Variants in MET observed in about 807,000 individuals in gnomAD.
MET encodes MET proto-oncogene, receptor tyrosine kinase, also known as hepatocyte growth factor receptor.
Under a neutral mutation model 133.1 loss-of-function variants are expected in MET, and 48 were observed. That is an observed-to-expected ratio of 0.36 (90% CI 0.29 to 0.46). MET has a LOEUF of 0.46. MET is among the 20% of genes least tolerant of loss of function. MET has a pLI of 1.00. For missense variants in MET, 1,442 were observed against 1,695.9 expected (o/e 0.85, Z 2.63); for synonymous variants, 628 against 616.5 (o/e 1.02, Z -0.28).
intron 10 of MET, 87 bp from the exon 11 acceptor site, chr7:116,762,963 A>G: frequency 9.1e-7 from 1 of 1,100,814 alleles, no homozygotes; most frequent in Admixed American, 1.7e-5. Flanking sequence ...ATATATTTTC[A>G]ATTGATTGGG....
intron 1 of MET, among the ~76,000 whole-genome samples, chr7:116,694,320 G>A (rs992600347): frequency 2.0e-5 from 3 of 152,046 alleles, no homozygotes; most frequent in Admixed American, 6.6e-5. Context: ...TAAAATTTCT[G>A]TTGCTGACAA....
chr7:116,744,881 C>T (rs1338363631), intron 5 of MET, among the ~76,000 whole-genome samples: 1 of 152,120 alleles, frequency 6.6e-6, no homozygotes, highest in Non-Finnish European at 1.5e-5. Flanking sequence ...GACAGGGATG[C>T]CCTCTCTCAC....
chr7:116,774,046 C>T (rs1794913547), intron 14 of MET, among the ~76,000 whole-genome samples: 1 of 152,122 alleles, frequency 6.6e-6, no homozygotes, highest in South Asian at 2.1e-4. Flanking sequence ...ATGATGCCCC[C>T]TCCTTGATAT....
chr7:116,677,970 T>G (rs1317792157), intron 1 of MET, among the ~76,000 whole-genome samples: 1 of 89,758 alleles, frequency 1.1e-5, no homozygotes, highest in African/African-American at 8.2e-5. Flanking sequence ...ATATTGTCTT[T>G]CTCTCTCTCT....
chr7:116,747,517 A>G (rs1793738933), intron 5 of MET, among the ~76,000 whole-genome samples: 1 of 152,214 alleles, frequency 6.6e-6, no homozygotes, highest in Non-Finnish European at 1.5e-5. Context: ...CAAAGATCAA[A>G]AAAGACAAAG....
intron 2 of MET, among the ~76,000 whole-genome samples, chr7:116,709,406 A>C (rs1180352228): frequency 6.6e-6 from 1 of 152,210 alleles, no homozygotes; most frequent in Non-Finnish European, 1.5e-5. Flanking sequence ...TCACACGATA[A>C]ACAGAGACCA....
At chr7:116,692,172 C>T (rs1428537533) in intron 1 of MET, among the ~76,000 whole-genome samples, 1 of 152,102 alleles carries the variant, frequency 6.6e-6, no homozygotes, top group East Asian at 1.9e-4. Context: ...ATATTTTCTC[C>T]TCTTTGAACC....
At chr7:116,703,976 T>G (rs987027105) in intron 2 of MET, among the ~76,000 whole-genome samples, 1 of 152,136 alleles carries the variant, frequency 6.6e-6, no homozygotes. Flanking sequence ...TAGATAAGCA[T>G]TTGAAAGACC....
rs537803270 is a variant in MET at position 116,741,522 on chromosome 7, G to A, written c.1701+497G>A. Among the ~76,000 whole-genome samples the A allele has an allele frequency of 3.9e-5, 6 of 152,296 alleles. No homozygotes were observed. The South Asian group carries it at 1.0e-3, about 26-fold the overall frequency. On this transcript the variant is annotated intron_variant, in intron 5 of 20. Transcript: ENST00000397752. ...CCTGAGCTGAATCCTGCAAACTGGT[G>A]ATCCCTGCCATGCTGGGGCACACAG...
At position 116,759,366 on chromosome 7, in the gene MET, T is replaced by G. The variant is rs1794308172; in HGVS notation, c.2265-25T>G. 1.2e-6 allele frequency: 2 copies of G among 1,608,998 alleles called. No homozygotes were observed. Among genetic ancestry groups the G allele is most frequent in the African/African-American group, 1.3e-5 (1 of 74,996 alleles). On this transcript the variant is annotated intron_variant, in intron 9 of 20. Coordinates refer to ENST00000397752, the MANE Select transcript of MET (RefSeq NM_000245.4). Reference sequence around the variant, plus strand: ...TGGTGGAAAGAACCTCTCAACATTGTCAGTTTTCTATTTTGCTTTGCCAGT... The same window carrying G: ...TGGTGGAAAGAACCTCTCAACATTGGCAGTTTTCTATTTTGCTTTGCCAGT...
intron 11 of MET, among the ~76,000 whole-genome samples, chr7:116,765,286 C>CAAAAAAA (rs754418396): frequency 3.1e-5 from 1 of 31,886 alleles, no homozygotes; most frequent in Non-Finnish European, 6.5e-5. Context: ...GGAGACAGAG[C>CAAAAAAA]AAAAAAAAAA....
Position 116,783,353 on chromosome 7 carries a change from G to T in MET, c.3682G>T (p.Asp1228Tyr), listed in dbSNP as rs121913671. Residue 1228 changes from aspartate to tyrosine, a missense_variant, in exon 19 of 21, where the codon GAC (aspartate) becomes TAC (tyrosine). This residue lies in a region of MET where 38 missense variants were observed against 40.6 expected (regional missense o/e 0.94). Transcript: ENST00000397752. ...GGTTGCTGATTTTGGTCTTGCCAGA[G>T]ACATGTATGATAAAGAATACTATAG... ...VKVADFGLAR[D>Y]MYDKEYYSVH... is the part of the protein sequence containing the mutation. The T allele has an allele frequency of 2.5e-6, 4 of 1,614,154 alleles. No individual in the cohort carries two copies. The highest frequency in any genetic ancestry group is 2.5e-6 in the Non-Finnish European group (3 of 1,180,018).
chr7:116,768,532 T>C (rs1584952076), intron 11 of MET, among the ~76,000 whole-genome samples: 3 of 152,332 alleles, frequency 2.0e-5, no homozygotes, highest in East Asian at 3.9e-4. Flanking sequence ...CCATTTTATC[T>C]GAAACTCCAA....
chr7:116,791,021 T>A (rs897768864), intron 19 of MET, among the ~76,000 whole-genome samples: 1 of 152,200 alleles, frequency 6.6e-6, no homozygotes, highest in Non-Finnish European at 1.5e-5. Context: ...GAGGTTGCAG[T>A]GAGCTGAGAT....
chr7:116,794,440 T>C (rs1421043791), intron 19 of MET, among the ~76,000 whole-genome samples: 1 of 152,230 alleles, frequency 6.6e-6, no homozygotes, highest in South Asian at 2.1e-4. Context: ...GTTTGAGTTT[T>C]CTGTTGGGAT....
chr7:116,777,173 T>C (rs1193187089), intron 15 of MET, among the ~76,000 whole-genome samples: 2 of 152,216 alleles, frequency 1.3e-5, no homozygotes, highest in Non-Finnish European at 2.9e-5. Context: ...AATAATCACA[T>C]TGCTTATATC....
intron 2 of MET, among the ~76,000 whole-genome samples, chr7:116,710,099 G>A (rs1791936531): frequency 6.6e-6 from 1 of 152,096 alleles, no homozygotes; most frequent in Non-Finnish European, 1.5e-5. Flanking sequence ...GGGTTTATCT[G>A]GCGCCAATGT....
chr7:116,744,476 G>A (rs1793587428), intron 5 of MET, among the ~76,000 whole-genome samples: 1 of 152,114 alleles, frequency 6.6e-6, no homozygotes, highest in South Asian at 2.1e-4. Flanking sequence ...AAAGTGTGGA[G>A]ACAAGATTAG....
intron 17 of MET, among the ~76,000 whole-genome samples, chr7:116,779,436 G>T (rs529724400): frequency 1.5e-4 from 23 of 152,144 alleles, no homozygotes; most frequent in Non-Finnish European, 2.9e-4. Flanking sequence ...AAATAGCCAC[G>T]TATCTCACTT....
Sources: gnomAD v4.1 joint callset for allele counts (sites outside exome capture counted in the v4.1 genomes callset) on GRCh38, gnomAD v4.1.1 for gene constraint, gnomAD v4.1.1 regional missense constraint, MANE v1.5 for transcripts, NCBI Gene and HGNC (gene_info 2026-07-23, HGNC 2026-07-21) for gene names.